EIF2B2: variants seen among roughly 807,000 people sequenced by gnomAD.
EIF2B2 encodes the protein translation initiation factor eIF2B subunit beta.
In EIF2B2, 34 loss-of-function variants were observed where a neutral mutation model predicts 34.7. That is an observed-to-expected ratio of 0.98 (90% CI 0.75 to 1.31). The LOEUF (loss-of-function observed/expected upper bound fraction) is 1.31. EIF2B2 is among the 50% of genes most tolerant of loss of function. The pLI, the probability that EIF2B2 is intolerant of heterozygous loss-of-function variation, is 0.00. For synonymous variants in EIF2B2, 155 were observed against 171.6 expected (o/e 0.90, Z 0.76); for missense variants, 361 against 447.7 (o/e 0.81, Z 1.75).
At chr14:75,007,182 G>A in intron 6 of EIF2B2, 1 of 428,770 alleles carries the variant, frequency 2.3e-6, no homozygotes, top group Non-Finnish European at 4.6e-6. Flanking sequence ...TTAAATTGAG[G>A]TGAAATTCAC....
rs1226558441 is a variant in EIF2B2 at position 75,011,977 on chromosome 14, C to T, written c.*2789C>T. 6.6e-6 allele frequency: 1 copy of T among 152,256 alleles called. No individual in the cohort carries two copies. Among genetic ancestry groups the T allele is most frequent in the East Asian group, 1.9e-4 (1 of 5,202 alleles). The allele number at this position is 152,256 out of a possible 1,614,324, so 9.4% of individuals were successfully genotyped here. A position where few individuals can be genotyped will look rare whatever the true frequency, so the allele number is the denominator to read the frequency against. ...GATGAAGGTTATAAGGGTAGAAGCT[C>T]TCTTTCTGGTCAGCTCTTACAGTGC... On this transcript the variant is annotated 3_prime_UTR_variant, in exon 8 of 8. Coordinates refer to ENST00000266126, the MANE Select transcript of EIF2B2 (RefSeq NM_014239.4).
rs375585987 is a variant in EIF2B2 at position 75,009,116 on chromosome 14, T to C, written c.984T>C (p.Ile328=). 14 of 1,613,996 alleles carry C rather than the reference T, an allele frequency of 8.7e-6. No individual in the cohort carries two copies. Among genetic ancestry groups the C allele is most frequent in the Admixed American group, 1.7e-5 (1 of 59,996 alleles). Reference sequence around the variant, plus strand: ...TCATTACCCTCTTTATCTCCAACATTGGTGGGAATGCACCTTCCTACATCT... The same window carrying C: ...TCATTACCCTCTTTATCTCCAACATCGGTGGGAATGCACCTTCCTACATCT... ...PELITLFISN[I]GGNAPSYIYR... Residue 328 remains isoleucine (I), a synonymous_variant, in exon 8 of 8, where the codon ATT becomes ATC. Coordinates refer to ENST00000266126, the MANE Select transcript of EIF2B2 (RefSeq NM_014239.4).
chr14:75,003,791 G>A, intron 3 of EIF2B2, 92 bp downstream of exon 3: 1 of 1,550,420 alleles, frequency 6.4e-7, no homozygotes, highest in South Asian at 1.2e-5. Context: ...AGAGATGGGA[G>A]ATTAGCTGTC....
chr14:75,009,095 TACC>T lies in EIF2B2; in HGVS notation c.964_966del (p.Thr322del), dbSNP rs766123244. ...TTGACTACGTTCCCCCAGAGCTCAT[TACC>T]CTCTTTATCTCCAACATTGGTGGGA... On this transcript the variant is annotated inframe_deletion, in exon 8 of 8. Transcript: ENST00000266126. 77 of 1,614,124 alleles carry T rather than the reference TACC, an allele frequency of 4.8e-5. No homozygotes were observed. The highest frequency in any genetic ancestry group is 8.5e-7 in the Non-Finnish European group (1 of 1,179,998).
In EIF2B2 at chr14:75,010,100, C is replaced by T. The variant is rs1385850772; in HGVS notation, c.*912C>T. Reference sequence around the variant, plus strand: ...TGTTCATAGTCTAAAACAGTAGTTCCAAAACCTCGCTGATCATCAGAATCA... The same window carrying T: ...TGTTCATAGTCTAAAACAGTAGTTCTAAAACCTCGCTGATCATCAGAATCA... On this transcript the variant is annotated 3_prime_UTR_variant, in exon 8 of 8. Coordinates refer to ENST00000266126, the MANE Select transcript of EIF2B2 (RefSeq NM_014239.4). 4 of 152,316 alleles carry T rather than the reference C, an allele frequency of 2.6e-5. No homozygotes were observed. In the East Asian group the frequency reaches 7.7e-4, roughly 29 times the overall value. 9.4% of individuals were successfully genotyped at this position (152,316 alleles called of 1,614,324 possible). A position where few individuals can be genotyped will look rare whatever the true frequency, so the allele number is the denominator to read the frequency against.
Position 75,003,138 on chromosome 14 carries a change from C to T in EIF2B2, c.148C>T (p.Arg50Cys), listed in dbSNP as rs771272417. 4 of 1,613,466 alleles carry T rather than the reference C, an allele frequency of 2.5e-6. No individual in the cohort carries two copies. The highest frequency in any genetic ancestry group is 3.4e-6 in the Non-Finnish European group (4 of 1,179,948). Residue 50 changes from arginine to cysteine, a missense_variant, in exon 1 of 8, where the codon CGC becomes TGC. Coordinates refer to ENST00000266126, the MANE Select transcript of EIF2B2 (RefSeq NM_014239.4). Reference protein sequence around the residue: ...GLLRQIITDHRWSNAGELMEL... With the variant: ...GLLRQIITDHCWSNAGELMEL... The stretch of plus-strand genomic sequence containing the variant: ...GCTGCGCCAGATCATCACGGACCAC[C>T]GCTGGAGCAACGCGGGTGAGGCCGG...
rs917444452 is a variant in EIF2B2 at position 75,009,407 on chromosome 14, G to A, written c.*219G>A. On this transcript the variant is annotated 3_prime_UTR_variant, in exon 8 of 8. Transcript: ENST00000266126. ...TTTCAGATCTTAACAGAGCAGCAGG[G>A]CTTAACTTGTTGATTTTGGAGCCTC... 1.8e-6 allele frequency: 1 copy of A among 567,656 alleles called. No individual in the cohort carries two copies. Among genetic ancestry groups the A allele is most frequent in the Non-Finnish European group, 3.1e-6 (1 of 317,870 alleles). 35.2% of individuals were successfully genotyped at this position (567,656 alleles called of 1,614,324 possible).
Position 75,003,074 on chromosome 14 carries a change from G to T in EIF2B2, c.84G>T (p.Pro28=), listed in dbSNP as rs144753546. The change falls in exon 1 of 8, where the codon CCG becomes CCT. Residue 28 remains proline, a synonymous_variant. Coordinates refer to ENST00000266126, the MANE Select transcript of EIF2B2 (RefSeq NM_014239.4). ...FVETLKRGGG[P]RSSEEMARET... is the part of the protein sequence containing the mutation. ...AGACCCTGAAGCGGGGTGGTGGGCC[G>T]CGCAGCTCCGAGGAAATGGCTCGGG... 3 of 1,613,926 alleles carry T rather than the reference G, an allele frequency of 1.9e-6. No homozygotes were observed. In the African/African-American group the frequency reaches 4.0e-5, roughly 22 times the overall value.
chr14:75,003,331 T>C lies in EIF2B2; in HGVS notation c.220T>C (p.Ser74Pro), dbSNP rs756401063. Residue 74 changes from serine to proline, a missense_variant, in exon 2 of 8, where the codon TCC becomes CCC. By Grantham distance (74) the Ser-to-Pro change is moderately conservative. Transcript: ENST00000266126. ...CAGGAGGATGACGGCCGCTCAGCCC[T>C]CCGAGACCACCGTGGGCAACATGGT... is the stretch of plus-strand genomic sequence containing the variant. ...EGRRMTAAQP[S>P]ETTVGNMVRR... 3 of 1,613,788 alleles carry C rather than the reference T, an allele frequency of 1.9e-6. No individual in the cohort carries two copies. The South Asian group carries it at 3.3e-5, about 18-fold the overall frequency.
At position 75,003,372 on chromosome 14, in the gene EIF2B2, G is replaced by C. The variant is rs538163666; in HGVS notation, c.261G>C (p.Lys87Asn). The C allele has an allele frequency of 1.5e-5, 24 of 1,613,954 alleles. No individual in the cohort carries two copies. The East Asian group carries it at 4.5e-4, about 30-fold the overall frequency. The change falls in exon 2 of 8, where the codon AAG becomes AAC. Residue 87 changes from lysine (K) to asparagine (N), a missense_variant. Coordinates refer to ENST00000266126, the MANE Select transcript of EIF2B2 (RefSeq NM_014239.4). ...GCAACATGGTGCGGAGAGTGCTCAA[G>C]ATTATCCGGGAGGAGTATGGCAGGT... ...TVGNMVRRVL[K>N]IIREEYGRLH...
chr14:75,004,666 C>CATATATATATATATATATATATATATAT (rs1230382829), intron 3 of EIF2B2, 71 bp from the exon 4 acceptor site: 1 of 181,326 alleles, frequency 5.5e-6, no homozygotes, highest in African/African-American at 8.3e-5. Flanking sequence ...ATAGCAATTT[C>CATATATATATATATATATATATATATAT]ATATATATAT....
intron 6 of EIF2B2, chr14:75,007,475 G>A (rs1595010372): frequency 2.4e-6 from 1 of 412,744 alleles, no homozygotes; most frequent in African/African-American, 2.0e-5. Flanking sequence ...GTTCATCCAT[G>A]TTGTAATGTC....
chr14:75,011,575 G>A lies in EIF2B2; in HGVS notation c.*2387G>A, dbSNP rs1010192231. ...TCTTTGAGAGCGATCTTTGCCTTAGGTCTTCCAGAGAGGGGAAAAAAGTAA... is the reference window on the plus strand; with the variant it reads ...TCTTTGAGAGCGATCTTTGCCTTAGATCTTCCAGAGAGGGGAAAAAAGTAA... On this transcript the variant is annotated 3_prime_UTR_variant, in exon 8 of 8. Coordinates refer to ENST00000266126, the MANE Select transcript of EIF2B2 (RefSeq NM_014239.4). 1 of 152,176 alleles carries A rather than the reference G, an allele frequency of 6.6e-6. No homozygotes were observed. The highest frequency in any genetic ancestry group is 1.5e-5 in the Non-Finnish European group (1 of 68,044). The allele number at this position is 152,176 out of a possible 1,614,324, so 9.4% of individuals were successfully genotyped here.
intron 7 of EIF2B2, chr14:75,008,326 G>A (rs1267026973): frequency 5.5e-6 from 1 of 182,004 alleles, no homozygotes; most frequent in African/African-American, 2.4e-5. Context: ...GCAACGCATA[G>A]TAGTTGGTTG....
In EIF2B2 at chr14:75,006,916, T is replaced by C. The variant is rs1476346285; in HGVS notation, c.831+202T>C. On this transcript the variant is annotated intron_variant, in intron 6 of 7. Transcript: ENST00000266126. The surrounding 1 kb of genome is among the most constrained non-coding windows in gnomAD (Gnocchi z 4.1). ...GTTGAGAGTTCTCAGCTGTCAACTT[T>C]AGGAAGTCAAGATTGTAAGGACAAT... 1 of 809,668 alleles carries C rather than the reference T, an allele frequency of 1.2e-6. No homozygotes were observed. The highest frequency in any genetic ancestry group is 2.1e-6 in the Non-Finnish European group (1 of 482,378). 50.2% of individuals were successfully genotyped at this position (809,668 alleles called of 1,614,324 possible).
Position 75,009,195 on chromosome 14 carries a change from A to G in EIF2B2, c.*7A>G, listed in dbSNP as rs1889669952. The G allele has an allele frequency of 6.2e-7, 1 of 1,613,994 alleles. No homozygotes were observed. Among genetic ancestry groups the G allele is most frequent in the Non-Finnish European group, 8.5e-7 (1 of 1,179,918 alleles). On this transcript the variant is annotated 3_prime_UTR_variant, in exon 8 of 8. Transcript: ENST00000266126. ...TGATGATCATGTTTTATGACCGACC[A>G]CACGTGTCCTAAGCAGATTGCTTAG...
Position 75,006,868 on chromosome 14 carries a change from A to G in EIF2B2, c.831+154A>G. 1 of 1,136,584 alleles carries G rather than the reference A, an allele frequency of 8.8e-7. No individual in the cohort carries two copies. The highest frequency in any genetic ancestry group is 1.3e-6 in the Non-Finnish European group (1 of 763,540). The allele number at this position is 1,136,584 out of a possible 1,614,324, so 70.4% of individuals were successfully genotyped here. ...CCCAGTGGAGGCTGGAAAGAACCAC[A>G]GAAGTCTTGATTCAGTAAAACAGTT... On this transcript the variant is annotated intron_variant, in intron 6 of 7. Coordinates refer to ENST00000266126, the MANE Select transcript of EIF2B2 (RefSeq NM_014239.4). The surrounding 1 kb of genome is among the most constrained non-coding windows in gnomAD (Gnocchi z 4.1).
At position 75,009,364 on chromosome 14, in the gene EIF2B2, C is replaced by A; in HGVS notation, c.*176C>A. The A allele has an allele frequency of 1.4e-6, 1 of 722,770 alleles. No homozygotes were observed. Among genetic ancestry groups the A allele is most frequent in the Non-Finnish European group, 2.4e-6 (1 of 416,536 alleles). The allele number at this position is 722,770 out of a possible 1,614,324, so 44.8% of individuals were successfully genotyped here. On this transcript the variant is annotated 3_prime_UTR_variant, in exon 8 of 8. Transcript: ENST00000266126. Reference sequence around the variant, plus strand: ...GTCACCCCGTAACAAGGGCACACATCCAGGACTGTGTCTTGCCTTTCAGAT... The same window carrying A: ...GTCACCCCGTAACAAGGGCACACATACAGGACTGTGTCTTGCCTTTCAGAT...
chr14:75,006,467 G>T lies in EIF2B2; in HGVS notation c.694-110G>T. The T allele has an allele frequency of 6.7e-7, 1 of 1,490,478 alleles. No individual in the cohort carries two copies. Among genetic ancestry groups the T allele is most frequent in the South Asian group, 1.1e-5 (1 of 87,420 alleles). 92.3% of individuals were successfully genotyped at this position (1,490,478 alleles called of 1,614,324 possible). A position where few individuals can be genotyped will look rare whatever the true frequency, so the allele number is the denominator to read the frequency against. On this transcript the variant is annotated intron_variant, in intron 5 of 7. Coordinates refer to ENST00000266126, the MANE Select transcript of EIF2B2 (RefSeq NM_014239.4). This position sits in a 1 kb window ranked among gnomAD's most constrained non-coding sequence, Gnocchi z 4.1. ...GATCCCTTCACCTCTACCAGTCTGT[G>T]ACCCCTCACGATACCAATTCTGAGG... is the stretch of plus-strand genomic sequence containing the variant.
Sources: allele counts gnomAD v4.1 joint callset, GRCh38; gene constraint gnomAD v4.1.1; non-coding constraint Gnocchi (gnomAD v3.1); transcripts MANE v1.5; gene names NCBI Gene and HGNC (gene_info 2026-07-23, HGNC 2026-07-21).